Variants in TRMT44 observed in about 807,000 individuals in gnomAD.
The protein encoded by TRMT44 is tRNA methyltransferase 44 homolog, also known as probable tRNA (uracil-O(2)-)-methyltransferase.
Under a neutral mutation model 77.3 loss-of-function variants are expected in TRMT44, and 78 were observed. The ratio of observed to expected loss-of-function variants is 1.01; its 90% CI spans 0.84 to 1.22. TRMT44 has a LOEUF of 1.22. TRMT44 is among the 50% of genes most tolerant of loss of function. The pLI is 0.00. For missense variants in TRMT44, 1,090 were observed against 964.4 expected (o/e 1.13, Z -1.73); for synonymous variants, 391 against 383.3 (o/e 1.02, Z -0.23).
chr4:8,452,989 G>C lies in TRMT44; in HGVS notation c.1131G>C (p.Gly377=). ...TGGTCCACATCCTGAGCAGTGAGGG[G>C]GTAAGGCCCGGCTCCATCACCTTTT... ...GLLVHILSSE[G]HPGRGIDVRR... Residue 377 remains glycine, a splice_region_variant and synonymous_variant, in exon 5 of 11, where the codon GGG becomes GGC. Transcript: ENST00000389737. This position sits in a 1 kb window ranked among gnomAD's most constrained non-coding sequence, Gnocchi z 5.7. 1 of 1,504,918 alleles carries C rather than the reference G, an allele frequency of 6.6e-7. No homozygotes were observed. Among genetic ancestry groups the C allele is most frequent in the East Asian group, 2.5e-5 (1 of 39,360 alleles). The allele number at this position is 1,504,918 out of a possible 1,614,324, so 93.2% of individuals were successfully genotyped here.
rs777771310 is a variant in TRMT44, at chr4:8,441,217, G to A, written c.395G>A (p.Gly132Glu). The A allele has an allele frequency of 6.5e-7, 1 of 1,535,548 alleles. No homozygotes were observed. The highest frequency in any genetic ancestry group is 1.2e-5 in the South Asian group (1 of 83,890). Residue 132 changes from glycine to glutamate, a missense_variant, in exon 1 of 11, where the codon GGA becomes GAA. By Grantham distance (98) the Gly-to-Glu change is moderately conservative (BLOSUM62 -2). Transcript: ENST00000389737. ...RDSGHPGHAE[G>E]REGDFPAADL... ...TCCGGGCACCCCGGCCATGCTGAAG[G>A]AAGGGAGGGCGACTTCCCCGCCGCA...
intron 3 of TRMT44, among the ~76,000 whole-genome samples, chr4:8,450,861 A>G (rs1725406072): frequency 7.2e-6 from 1 of 138,174 alleles, no homozygotes; most frequent in South Asian, 2.3e-4. Context: ...GCAGTGGTGC[A>G]ATCTTGGCTC....
At position 8,451,221 on chromosome 4, in the gene TRMT44, G is replaced by C. The variant is rs1170330246; in HGVS notation, c.955-739G>C. On this transcript the variant is annotated intron_variant, in intron 3 of 10. Coordinates refer to ENST00000389737, the MANE Select transcript of TRMT44 (RefSeq NM_152544.3). The surrounding 1 kb of genome is among the most constrained non-coding windows in gnomAD (Gnocchi z 4.1). ...GGGCTCCCTCCCACATCCTGGCCTC[G>C]TGGTCCTTTGCCATCTTGTTAGCTA... 6.6e-6 allele frequency among the ~76,000 whole-genome samples: 1 copy of C among 152,102 alleles called. No individual in the cohort carries two copies. Among genetic ancestry groups the C allele is most frequent in the Non-Finnish European group, 1.5e-5 (1 of 68,016 alleles).
intron 3 of TRMT44, 128 bp downstream of exon 3, chr4:8,450,016 G>A (rs1725341392): frequency 1.7e-6 from 1 of 573,770 alleles, no homozygotes; most frequent in Admixed American, 3.9e-5. Flanking sequence ...AAAAGGGCCA[G>A]AGTGAAGTGG....
At chr4:8,488,723 A>G (rs1727898008) in intron 2 of TRMT44, among the ~76,000 whole-genome samples, 1 of 152,210 alleles carries the variant, frequency 6.6e-6, no homozygotes, top group African/African-American at 2.4e-5. Context: ...CCAAGCTCAA[A>G]CAAGGTTTCT....
At chr4:8,474,147 C>A (rs1284582311) in intron 10 of TRMT44, among the ~76,000 whole-genome samples, 2 of 152,310 alleles carry the variant, frequency 1.3e-5, no homozygotes, top group East Asian at 1.9e-4. Flanking sequence ...GATCCCCCAC[C>A]CCCCATTCTC....
intron 6 of TRMT44, among the ~76,000 whole-genome samples, chr4:8,458,215 A>AT (rs1331678625): frequency 8.5e-5 from 13 of 152,238 alleles, no homozygotes; most frequent in African/African-American, 2.7e-4. Flanking sequence ...TAGAGAAACT[A>AT]AAAAGTAAAG....
At chr4:8,486,034 G>T in intron 2 of TRMT44, among the ~76,000 whole-genome samples, 1 of 152,200 alleles carries the variant, frequency 6.6e-6, no homozygotes. Context: ...ATCGGGCAGC[G>T]TCAATCTTCA....
chr4:8,503,254 A>G, the TRMT44 span, among the ~76,000 whole-genome samples: 58 of 152,168 alleles, frequency 3.8e-4, no homozygotes, highest in African/African-American at 1.4e-3. Flanking sequence ...TTGAGGGTCT[A>G]CTCCATTCAC....
intron 9 of TRMT44, 159 bp from the exon 10 acceptor site, chr4:8,470,925 G>A: frequency 3.4e-6 from 2 of 584,846 alleles, no homozygotes; most frequent in South Asian, 4.5e-5. Flanking sequence ...ACGGTTTGGT[G>A]CGGTGTGGTG....
intron 6 of TRMT44, among the ~76,000 whole-genome samples, chr4:8,458,611 T>A (rs969988963): frequency 6.6e-6 from 1 of 151,756 alleles, no homozygotes; most frequent in Non-Finnish European, 1.5e-5. Flanking sequence ...CCCACCATCA[T>A]GCCCAGCTAT....
intron 7 of TRMT44, 72 bp downstream of exon 7, chr4:8,464,163 G>A: frequency 7.9e-7 from 1 of 1,260,828 alleles, no homozygotes; most frequent in Non-Finnish European, 1.1e-6. Context: ...TGTCCAAAAG[G>A]GTAGCCACTA....
the TRMT44 span, chr4:8,507,443 A>G: frequency 2.0e-5 from 3 of 152,796 alleles, no homozygotes; most frequent in African/African-American, 7.2e-5. Flanking sequence ...TGCGTGCGGG[A>G]AGCACTCCCA....
intron 2 of TRMT44, among the ~76,000 whole-genome samples, chr4:8,490,592 C>T (rs891051557): frequency 6.6e-6 from 1 of 151,666 alleles, no homozygotes; most frequent in Non-Finnish European, 1.5e-5. Flanking sequence ...TCATTCCTCC[C>T]CGTGGGCTCG....
chr4:8,467,640 C>T (rs1579073612), intron 8 of TRMT44, among the ~76,000 whole-genome samples: 2 of 152,112 alleles, frequency 1.3e-5, no homozygotes, highest in South Asian at 2.1e-4. Flanking sequence ...GCCACCACGC[C>T]CGGCTAATTT....
Position 8,452,042 on chromosome 4 carries a change from C to T in TRMT44, c.1023+14C>T, listed in dbSNP as rs771215455. ...GCATACCTGCTGGTAAGGGTGTAAG[C>T]GACCTCAGCTTCTCTGGAGTGGGTG... On this transcript the variant is annotated intron_variant, in intron 4 of 10. Coordinates refer to ENST00000389737, the MANE Select transcript of TRMT44 (RefSeq NM_152544.3). The surrounding 1 kb of genome is among the most constrained non-coding windows in gnomAD (Gnocchi z 5.7). 2.5e-5 allele frequency: 39 copies of T among 1,535,572 alleles called. No homozygotes were observed. The highest frequency in any genetic ancestry group is 3.6e-5 in the South Asian group (3 of 84,044).
intron 6 of TRMT44, among the ~76,000 whole-genome samples, chr4:8,456,093 T>C (rs561825147): frequency 1.3e-5 from 2 of 152,224 alleles, no homozygotes; most frequent in Non-Finnish European, 2.9e-5. Flanking sequence ...TGTCATTCTC[T>C]GTCAAGAGAA....
downstream of TRMT44, chr4:8,478,223 G>A (rs935928621): frequency 3.9e-5 from 6 of 152,898 alleles, no homozygotes; most frequent in Non-Finnish European, 8.8e-5. Context: ...TGGGGAAGAT[G>A]AGCTCCCCAA....
intron 10 of TRMT44, among the ~76,000 whole-genome samples, chr4:8,474,305 C>T (rs561977948): frequency 9.8e-5 from 15 of 152,314 alleles, no homozygotes; most frequent in South Asian, 2.1e-4. Flanking sequence ...TTCTGTGCTG[C>T]GCCAGGAGGT....
Sources: allele counts gnomAD v4.1 joint callset (sites outside exome capture counted in the v4.1 genomes callset), GRCh38; gene constraint gnomAD v4.1.1; non-coding constraint Gnocchi (gnomAD v3.1); transcripts MANE v1.5; gene names NCBI Gene and HGNC (gene_info 2026-07-23, HGNC 2026-07-21).